The following SYTL5 variants were observed in gnomAD, a reference collection of about 807,000 sequenced individuals.
SYTL5 encodes the protein synaptotagmin-like protein 5.
In SYTL5, 34 loss-of-function variants were observed where a neutral mutation model predicts 55.9. The observed-to-expected ratio is 0.61, with a 90% CI of 0.46 to 0.81. The LOEUF is 0.81. SYTL5 is among the 30% of genes least tolerant of loss of function. The pLI, the probability that SYTL5 is intolerant of heterozygous loss-of-function variation, is 0.00. For synonymous variants in SYTL5, 221 were observed against 188.7 expected (o/e 1.17, Z -1.40); for missense variants, 637 against 546.7 (o/e 1.17, Z -1.65).
At chrX:38,124,111 C>T (rs1217129379) in intron 15 of SYTL5, among the ~76,000 whole-genome samples, 1 of 111,367 alleles carries the variant, frequency 9.0e-6, no homozygotes, top group African/African-American at 3.3e-5. Context: ...GTTAGGATAG[C>T]TGCTCCTGTT....
chrX:38,109,270 G>A (rs985027021), intron 12 of SYTL5, among the ~76,000 whole-genome samples: 3 of 111,915 alleles, frequency 2.7e-5, no homozygotes, highest in African/African-American at 9.8e-5. Flanking sequence ...TCTTTCCAAT[G>A]CGCTTTCACA....
chrX:37,980,639 G>A, the SYTL5 span, among the ~76,000 whole-genome samples: 7 of 111,969 alleles, frequency 6.3e-5, no homozygotes, highest in African/African-American at 2.3e-4. Context: ...CTTAGGACTG[G>A]TACAGCAAAG....
chrX:37,893,636 T>TATAA, the SYTL5 span, among the ~76,000 whole-genome samples: 1 of 75,698 alleles, frequency 1.3e-5, no homozygotes, highest in African/African-American at 7.2e-5. Context: ...TCTATATATA[T>TATAA]AATTATATAT....
the SYTL5 span, among the ~76,000 whole-genome samples, chrX:37,897,342 G>A: frequency 1.8e-5 from 2 of 110,051 alleles, no homozygotes; most frequent in Non-Finnish European, 3.8e-5. Context: ...AATTATCCGG[G>A]CGTGGTGTCA....
chrX:38,105,387 A>T (rs1290543562), intron 10 of SYTL5, among the ~76,000 whole-genome samples: 1 of 113,077 alleles, frequency 8.8e-6, no homozygotes, highest in African/African-American at 3.2e-5. Flanking sequence ...TTAGGGAGAC[A>T]TAAGACATCA....
At chrX:38,084,332 T>C (rs1280086684) in intron 6 of SYTL5, among the ~76,000 whole-genome samples, 2 of 111,950 alleles carry the variant, frequency 1.8e-5, no homozygotes, top group Non-Finnish European at 3.8e-5. Flanking sequence ...GTAATAGCCT[T>C]TATAATAAAC....
chrX:37,943,176 T>C, the SYTL5 span, among the ~76,000 whole-genome samples: 1,506 of 112,325 alleles, frequency 0.013, 30 homozygotes, highest in African/African-American at 0.045. Context: ...ACTACATTTG[T>C]TAAAGGGAAG....
chrX:37,992,561 A>G, the SYTL5 span, among the ~76,000 whole-genome samples: 2 of 112,958 alleles, frequency 1.8e-5, no homozygotes, highest in Non-Finnish European at 3.7e-5. Flanking sequence ...CCCAAGATTG[A>G]GTCCACTTGT....
intron 12 of SYTL5, among the ~76,000 whole-genome samples, chrX:38,109,424 G>T (rs1411445216): frequency 9.0e-6 from 1 of 111,007 alleles, no homozygotes; most frequent in Non-Finnish European, 1.9e-5. Context: ...ACTTTAGGAG[G>T]AAATTGGTAA....
chrX:37,925,953 G>C, the SYTL5 span, among the ~76,000 whole-genome samples: 4 of 111,946 alleles, frequency 3.6e-5, no homozygotes, highest in African/African-American at 1.3e-4. Context: ...TTTTATGGCT[G>C]AGTAGTATTC....
chrX:37,919,088 C>A, the SYTL5 span, among the ~76,000 whole-genome samples: 1 of 110,752 alleles, frequency 9.0e-6, no homozygotes, highest in African/African-American at 3.3e-5. Context: ...CTTCCCGATC[C>A]CCTGAGTTTC....
chrX:38,040,673 G>T (rs572539895), intron 2 of SYTL5, among the ~76,000 whole-genome samples: 1 of 111,681 alleles, frequency 9.0e-6, no homozygotes, highest in African/African-American at 3.3e-5. Flanking sequence ...CTTTTTTATG[G>T]CTGAATAGTA....
Position 38,054,228 on chromosome X carries a change from A to G in SYTL5, c.135A>G (p.Glu45=). ...CTTCTTTCAGGAAGCTGAAAAATGA[A>G]CTCTTAGAAGCAAAACGTAGAAGTG... ...EDKRIRKLKN[E]LLEAKRRSGK... The change falls in exon 3 of 17, where the codon GAA becomes GAG. Residue 45 remains glutamate, a synonymous_variant. Coordinates refer to ENST00000297875, the MANE Select transcript of SYTL5 (RefSeq NM_138780.3). 8.3e-7 allele frequency: 1 copy of G among 1,205,271 alleles called. No individual in the cohort carries two copies. Among genetic ancestry groups the G allele is most frequent in the East Asian group, 3.0e-5 (1 of 33,703 alleles).
chrX:38,041,271 A>C (rs1241191856), intron 2 of SYTL5, among the ~76,000 whole-genome samples: 1 of 112,464 alleles, frequency 8.9e-6, no homozygotes, highest in Non-Finnish European at 1.9e-5. Context: ...CCTGGAAGTC[A>C]GGGAGTCTAA....
intron 13 of SYTL5, among the ~76,000 whole-genome samples, chrX:38,114,631 T>C (rs1448777161): frequency 2.7e-5 from 3 of 112,161 alleles, no homozygotes; most frequent in African/African-American, 9.7e-5. Flanking sequence ...AATGGCTACA[T>C]CAATCTAGTT....
At chrX:37,890,581 C>T in the SYTL5 span, among the ~76,000 whole-genome samples, 374 of 111,377 alleles carry the variant, frequency 3.4e-3, 5 homozygotes, top group Admixed American at 0.026. Flanking sequence ...TGGTTTGGTC[C>T]GGGAACACTA....
At chrX:38,039,842 A>T (rs2147231861) in intron 2 of SYTL5, among the ~76,000 whole-genome samples, 1 of 112,025 alleles carries the variant, frequency 8.9e-6, no homozygotes, top group African/African-American at 3.3e-5. Context: ...TGAATTTTTT[A>T]AACAAATTTT....
chrX:38,102,941 T>G, intron 10 of SYTL5: 1 of 669,197 alleles, frequency 1.5e-6, no homozygotes, highest in Non-Finnish European at 2.3e-6. Context: ...TGTATCTAAC[T>G]GTGTGTAAGT....
intron 16 of SYTL5, among the ~76,000 whole-genome samples, chrX:38,126,176 C>A (rs1324706742): frequency 8.9e-6 from 1 of 111,814 alleles, no homozygotes; most frequent in African/African-American, 3.3e-5. Context: ...AAGGTCCTAT[C>A]ACTATGATAA....
Sources: gnomAD v4.1 joint callset for allele counts (sites outside exome capture counted in the v4.1 genomes callset) on GRCh38, gnomAD v4.1.1 for gene constraint, MANE v1.5 for transcripts, NCBI Gene and HGNC (gene_info 2026-07-23, HGNC 2026-07-21) for gene names.